The following ZBTB16 variants were observed in gnomAD, a reference collection of about 807,000 sequenced individuals.
The protein encoded by ZBTB16 is zinc finger and BTB domain containing 16.
A neutral mutation model predicts 56.8 loss-of-function variants in ZBTB16; 8 were observed. The ratio of observed to expected loss-of-function variants is 0.14; its 90% CI spans 0.08 to 0.25. The LOEUF (loss-of-function observed/expected upper bound fraction) is 0.25, where lower values mean the gene tolerates loss of function less well. Ranked by LOEUF, ZBTB16 falls within the 10% of genes least tolerant of loss-of-function variation. The probability of loss-of-function intolerance (pLI) is 1.00; values close to 1 mark genes in which losing one functional copy is unlikely to be tolerated. For synonymous variants in ZBTB16, 363 were observed against 368.5 expected (o/e 0.98, Z 0.17); for missense variants, 625 against 903.0 (o/e 0.69, Z 3.95).
chr11:114,137,203 C>G (rs1941822036), intron 2 of ZBTB16, among the ~76,000 whole-genome samples: 1 of 152,150 alleles, frequency 6.6e-6, no homozygotes, highest in Non-Finnish European at 1.5e-5. Flanking sequence ...GGAGACCGAC[C>G]CTTTTCTACC....
At chr11:114,208,478 A>C (rs1943933089) in intron 4 of ZBTB16, among the ~76,000 whole-genome samples, 1 of 152,148 alleles carries the variant, frequency 6.6e-6, no homozygotes, top group African/African-American at 2.4e-5. Context: ...GTGAGGACCA[A>C]AATGGTCTTA....
chr11:114,226,561 A>G (rs893340548), intron 4 of ZBTB16, among the ~76,000 whole-genome samples: 2 of 152,172 alleles, frequency 1.3e-5, no homozygotes, highest in African/African-American at 4.8e-5. Flanking sequence ...CCAAACCACG[A>G]AGTGACATTC....
At chr11:114,154,870 C>G (rs1278824921) in intron 2 of ZBTB16, among the ~76,000 whole-genome samples, 1 of 152,142 alleles carries the variant, frequency 6.6e-6, no homozygotes, top group South Asian at 2.1e-4. Flanking sequence ...ATCAGAAGGC[C>G]GTACACAGTG....
chr11:114,256,337 A>C lies in ZBTB16; in HGVS notation c.*5782A>C, dbSNP rs1247235932. On this transcript the variant is annotated 3_prime_UTR_variant, in exon 7 of 7. Transcript: ENST00000335953. ...TTGTCGGCGCTGGGAATTACAGCAA[A>C]GGACAAACAGACAAACCCTGGCCGC... Among the ~76,000 whole-genome samples the C allele has an allele frequency of 6.6e-6, 1 of 152,176 alleles. No homozygotes were observed. The highest frequency in any genetic ancestry group is 1.5e-5 in the Non-Finnish European group (1 of 68,032).
chr11:114,094,917 G>C (rs1940324685), intron 2 of ZBTB16, among the ~76,000 whole-genome samples: 1 of 152,242 alleles, frequency 6.6e-6, no homozygotes, highest in South Asian at 2.1e-4. Flanking sequence ...ACCAGCTTAT[G>C]TGCCCTGTTA....
At chr11:114,163,777 C>G (rs910822184) in intron 3 of ZBTB16, among the ~76,000 whole-genome samples, 1 of 152,212 alleles carries the variant, frequency 6.6e-6, no homozygotes, top group African/African-American at 2.4e-5. Flanking sequence ...CCATCTACCC[C>G]TCTGGATCCC....
At chr11:114,184,463 G>T (rs1292031077) in intron 3 of ZBTB16, among the ~76,000 whole-genome samples, 1 of 152,174 alleles carries the variant, frequency 6.6e-6, no homozygotes, top group Non-Finnish European at 1.5e-5. Context: ...TTCAGAGATG[G>T]GAGCTCAGAC....
At chr11:114,234,724 A>G (rs1489568397) in intron 4 of ZBTB16, among the ~76,000 whole-genome samples, 2 of 152,174 alleles carry the variant, frequency 1.3e-5, no homozygotes, top group Non-Finnish European at 2.9e-5. Context: ...CTTTCTGTCT[A>G]TTCCTCACCC....
chr11:114,160,713 C>T (rs779615641), intron 3 of ZBTB16, among the ~76,000 whole-genome samples: 16 of 152,216 alleles, frequency 1.1e-4, no homozygotes, highest in South Asian at 2.1e-4. Flanking sequence ...AATTTCAATT[C>T]GAATGTGTGA....
Position 114,254,097 on chromosome 11 carries a change from G to A in ZBTB16, c.*3542G>A, listed in dbSNP as rs537872444. On this transcript the variant is annotated 3_prime_UTR_variant, in exon 7 of 7. Coordinates refer to ENST00000335953, the MANE Select transcript of ZBTB16 (RefSeq NM_006006.6). ...GCATTTGGTGACATTTACACCTCAT[G>A]TGCTCTTTCCCTATTCACTCCTTCA... Among the ~76,000 whole-genome samples, 80 of 115,846 alleles carry A rather than the reference G, an allele frequency of 6.9e-4. No individual in the cohort carries two copies. The South Asian group carries it at 0.022, about 32-fold the overall frequency. The allele number at this position is 115,846 out of a possible 152,430, so 76.0% of individuals were successfully genotyped here.
chr11:114,086,247 A>G (rs1287413184), intron 2 of ZBTB16, among the ~76,000 whole-genome samples: 1 of 152,116 alleles, frequency 6.6e-6, no homozygotes, highest in East Asian at 1.9e-4. Context: ...GGGATTTGGA[A>G]CGGAAGTGCT....
At chr11:114,138,430 T>G (rs988189456) in intron 2 of ZBTB16, among the ~76,000 whole-genome samples, 8 of 152,206 alleles carry the variant, frequency 5.3e-5, no homozygotes, top group Non-Finnish European at 7.3e-5. Context: ...CCTCTTCATC[T>G]AGCACTAAGT....
intron 4 of ZBTB16, among the ~76,000 whole-genome samples, chr11:114,217,223 T>A (rs560993956): frequency 1.3e-5 from 2 of 152,344 alleles, no homozygotes; most frequent in Admixed American, 1.3e-4. Flanking sequence ...TTTAGGAGCC[T>A]AGATTTTATC....
chr11:114,180,824 A>G (rs1208699817), intron 3 of ZBTB16: 4 of 152,268 alleles, frequency 2.6e-5, no homozygotes, highest in Admixed American at 2.0e-4. Flanking sequence ...AAAGCCCAAG[A>G]CAGGTGGGAA....
chr11:114,139,216 C>G (rs946913262), intron 2 of ZBTB16, among the ~76,000 whole-genome samples: 1 of 152,192 alleles, frequency 6.6e-6, no homozygotes, highest in African/African-American at 2.4e-5. Context: ...GAAGGAGACC[C>G]TTCTCCAGGC....
chr11:114,154,659 A>G (rs1942361155), intron 2 of ZBTB16, among the ~76,000 whole-genome samples: 4 of 152,178 alleles, frequency 2.6e-5, no homozygotes, highest in Admixed American at 1.3e-4. Flanking sequence ...ATATTTCTCA[A>G]TTTGGGTGGA....
chr11:114,187,508 A>G (rs1247704428), intron 4 of ZBTB16: 1 of 212,150 alleles, frequency 4.7e-6, no homozygotes, highest in Non-Finnish European at 9.8e-6. Flanking sequence ...CATTTGAACA[A>G]TATTAACTCA....
chr11:114,125,552 T>C (rs1036637497), intron 2 of ZBTB16, among the ~76,000 whole-genome samples: 29 of 152,110 alleles, frequency 1.9e-4, no homozygotes, highest in Admixed American at 1.0e-3. Context: ...TTGTCTTTCC[T>C]TGTAGGACTT....
chr11:114,222,090 G>A (rs547817039), intron 4 of ZBTB16, among the ~76,000 whole-genome samples: 1 of 152,296 alleles, frequency 6.6e-6, no homozygotes, highest in Admixed American at 6.5e-5. Flanking sequence ...CTTGGTGGAA[G>A]CATCTTTTGA....
Sources: allele counts gnomAD v4.1 joint callset (sites outside exome capture counted in the v4.1 genomes callset), GRCh38; gene constraint gnomAD v4.1.1; transcripts MANE v1.5; gene names NCBI Gene and HGNC (gene_info 2026-07-23, HGNC 2026-07-21).